Variants in NTM observed in about 807,000 individuals in gnomAD.
NTM encodes IgLON family member 2.
A neutral mutation model predicts 42.1 loss-of-function variants in NTM; 13 were observed. The observed-to-expected ratio is 0.31, with a 90% CI of 0.20 to 0.49. The LOEUF (loss-of-function observed/expected upper bound fraction) is 0.49. Among genes scored for constraint, NTM ranks in the 20% least tolerant of loss-of-function variants. The pLI, the probability that NTM is intolerant of heterozygous loss-of-function variation, is 0.99. For missense variants in NTM, 373 were observed against 452.8 expected, an observed-to-expected ratio of 0.82 and a Z score of 1.60; for synonymous variants, 187 against 179.2, an observed-to-expected ratio of 1.04 and a Z score of -0.35.
intron 1 of NTM, among the ~76,000 whole-genome samples, chr11:131,764,209 C>A (rs923396512): frequency 6.6e-6 from 1 of 152,128 alleles, no homozygotes; most frequent in African/African-American, 2.4e-5. Flanking sequence ...CTTCCCAAAT[C>A]TCTGTGGTTA....
chr11:131,545,012 G>A lies in NTM; in HGVS notation c.82+174124G>A, dbSNP rs144864367. ...TTGTTAATCCCATCCTTCTTTTTAC[G>A]AAAATTTAGCCCACGGGGCTGCAAG... On this transcript the variant is annotated intron_variant, in intron 1 of 8. Coordinates refer to ENST00000683400, the MANE Select transcript of NTM (RefSeq NM_001352005.2). Among the ~76,000 whole-genome samples, 855 of 152,204 alleles carry A rather than the reference G, an allele frequency of 5.6e-3. 7 individuals carry two copies. The highest frequency in any genetic ancestry group is 0.019 in the African/African-American group (781 of 41,530).
chr11:132,069,836 G>A (rs1275179514), intron 2 of NTM, among the ~76,000 whole-genome samples: 1 of 148,592 alleles, frequency 6.7e-6, no homozygotes, highest in African/African-American at 2.5e-5. Context: ...ACCATCACAG[G>A]TTAGCTAACA....
intron 2 of NTM, among the ~76,000 whole-genome samples, chr11:132,135,104 T>A (rs1464121570): frequency 2.0e-5 from 3 of 152,110 alleles, no homozygotes; most frequent in Non-Finnish European, 4.4e-5. Context: ...CTGGATTGTG[T>A]CCCCTCACCC....
chr11:131,449,136 G>T (rs1950285908), intron 1 of NTM, among the ~76,000 whole-genome samples: 1 of 152,238 alleles, frequency 6.6e-6, no homozygotes, highest in Non-Finnish European at 1.5e-5. Context: ...GCTCAGTCAG[G>T]TTAGGTGCTT....
At chr11:131,968,563 C>A (rs1426365589) in intron 2 of NTM, among the ~76,000 whole-genome samples, 1 of 152,158 alleles carries the variant, frequency 6.6e-6, no homozygotes, top group African/African-American at 2.4e-5. Flanking sequence ...CTTGCCTGAT[C>A]TTGAAATTAC....
chr11:132,206,235 T>TA (rs1017633381), intron 3 of NTM, among the ~76,000 whole-genome samples: 20 of 152,326 alleles, frequency 1.3e-4, no homozygotes, highest in African/African-American at 3.8e-4. Flanking sequence ...ACATTTCTTT[T>TA]AAAAAACTTC....
intron 1 of NTM, among the ~76,000 whole-genome samples, chr11:131,758,499 A>G (rs192810377): frequency 6.6e-6 from 1 of 152,094 alleles, no homozygotes; most frequent in East Asian, 1.9e-4. Flanking sequence ...CAAACTTACC[A>G]GTTTGGTATA....
chr11:132,181,820 A>G (rs1474308923), intron 3 of NTM, among the ~76,000 whole-genome samples: 1 of 152,046 alleles, frequency 6.6e-6, no homozygotes, highest in African/African-American at 2.4e-5. Flanking sequence ...TGCATTTTTA[A>G]CTATGTATGC....
intron 1 of NTM, among the ~76,000 whole-genome samples, chr11:131,865,874 TAC>T (rs147203408): frequency 1.4e-3 from 131 of 92,906 alleles, no homozygotes; most frequent in African/African-American, 4.7e-3. Flanking sequence ...ACACACATGC[TAC>T]ACACACACCT....
chr11:131,786,103 G>A (rs1212829912), intron 1 of NTM, among the ~76,000 whole-genome samples: 1 of 152,170 alleles, frequency 6.6e-6, no homozygotes, highest in Admixed American at 6.5e-5. Flanking sequence ...TCGGGGAAGA[G>A]ATTTCTATCT....
At chr11:132,081,459 A>G (rs11222907) in intron 2 of NTM, among the ~76,000 whole-genome samples, 45,221 of 152,076 alleles carry the variant, frequency 0.3, 7,456 homozygotes, top group African/African-American at 0.43. Flanking sequence ...TTGGCCAGGC[A>G]CGGTGGCTCG....
At chr11:131,518,531 G>A (rs1435259337) in intron 1 of NTM, among the ~76,000 whole-genome samples, 2 of 152,192 alleles carry the variant, frequency 1.3e-5, no homozygotes, top group South Asian at 2.1e-4. Context: ...TGTAGCTGAA[G>A]CATGCTATTA....
intron 1 of NTM, among the ~76,000 whole-genome samples, chr11:131,650,192 T>G (rs185329483): frequency 3.9e-4 from 59 of 152,330 alleles, no homozygotes; most frequent in Non-Finnish European, 7.8e-4. Context: ...TGTTCTCTGA[T>G]AGGCAACGCT....
chr11:132,112,324 C>G (rs1669926721), intron 2 of NTM, among the ~76,000 whole-genome samples: 3 of 152,118 alleles, frequency 2.0e-5, no homozygotes, highest in Non-Finnish European at 2.9e-5. Context: ...TTCTTGCACA[C>G]ATGTTTCACA....
chr11:132,323,822 C>A (rs1229241979), intron 7 of NTM, among the ~76,000 whole-genome samples: 4 of 151,692 alleles, frequency 2.6e-5, no homozygotes, highest in Admixed American at 2.6e-4. Context: ...AAAAGCTTAT[C>A]CACCATGATC....
chr11:132,301,958 C>G (rs906395053), intron 4 of NTM, among the ~76,000 whole-genome samples: 1 of 152,192 alleles, frequency 6.6e-6, no homozygotes. Flanking sequence ...TAAAAATGAT[C>G]ACTGTGGGTA....
chr11:132,276,243 C>T (rs569343854), intron 4 of NTM, among the ~76,000 whole-genome samples: 3 of 151,982 alleles, frequency 2.0e-5, no homozygotes, highest in African/African-American at 2.4e-5. Flanking sequence ...ATTCATCCAT[C>T]GTTAGTCACT....
chr11:131,377,284 T>C (rs1942098190), intron 1 of NTM, among the ~76,000 whole-genome samples: 1 of 152,212 alleles, frequency 6.6e-6, no homozygotes, highest in African/African-American at 2.4e-5. Context: ...GGAATGCTGC[T>C]GTGAGTTCAC....
intron 1 of NTM, among the ~76,000 whole-genome samples, chr11:131,761,042 T>G (rs971561482): frequency 4.7e-5 from 7 of 149,102 alleles, no homozygotes; most frequent in Non-Finnish European, 1.0e-4. Flanking sequence ...GAGGGACTCT[T>G]AAATAAGATG....
Sources: gnomAD v4.1 joint callset for allele counts (sites outside exome capture counted in the v4.1 genomes callset) on GRCh38, gnomAD v4.1.1 for gene constraint, MANE v1.5 for transcripts, NCBI Gene and HGNC (gene_info 2026-07-23, HGNC 2026-07-21) for gene names.